Variants in PTPRG observed in about 807,000 individuals in gnomAD.
PTPRG encodes receptor-type tyrosine-protein phosphatase gamma.
A neutral mutation model predicts 165.3 loss-of-function variants in PTPRG; 102 were observed. That is an observed-to-expected ratio of 0.62 (90% CI 0.53 to 0.73). The LOEUF is 0.73. Among genes scored for constraint, PTPRG ranks in the 30% least tolerant of loss-of-function variants. The probability of loss-of-function intolerance (pLI) is 0.00; values close to 1 mark genes in which losing one functional copy is unlikely to be tolerated. For missense variants in PTPRG, 1,866 were observed against 1,861.4 expected (o/e 1.00, Z -0.05); for synonymous variants, 675 against 669.5 (o/e 1.01, Z -0.13).
intron 5 of PTPRG, among the ~76,000 whole-genome samples, chr3:62,115,057 A>G (rs1193535869): frequency 6.6e-6 from 1 of 152,234 alleles, no homozygotes; most frequent in African/African-American, 2.4e-5. Flanking sequence ...TTGCAATTAT[A>G]CAGAGGCAGA....
chr3:62,191,314 C>A (rs933283652), intron 8 of PTPRG, among the ~76,000 whole-genome samples, 155 bp from the exon 9 acceptor site: 4 of 152,062 alleles, frequency 2.6e-5, no homozygotes, highest in Non-Finnish European at 4.4e-5. Flanking sequence ...CTCCCTCTCT[C>A]TCTACACACA....
At chr3:61,678,487 C>T (rs1048485036) in intron 1 of PTPRG, among the ~76,000 whole-genome samples, 2 of 152,090 alleles carry the variant, frequency 1.3e-5, no homozygotes, top group African/African-American at 4.8e-5. Context: ...TGGTATCTCC[C>T]CACATTCCCT....
Position 61,562,171 on chromosome 3 carries a change from C to T in PTPRG, c.-117C>T, listed in dbSNP as rs562166525. 2 of 879,158 alleles carry T rather than the reference C, an allele frequency of 2.3e-6. No homozygotes were observed. The highest frequency in any genetic ancestry group is 5.2e-5 in the East Asian group (2 of 38,638). The allele number at this position is 879,158 out of a possible 1,614,324, so 54.5% of individuals were successfully genotyped here. ...ACTCGGGCCGCCGAGCGCGGGGGGC[C>T]CGTGGAGCGGGCGAGCCGGGGAAGC... On this transcript the variant is annotated 5_prime_UTR_variant, in exon 1 of 30. Transcript: ENST00000474889.
chr3:61,629,225 G>A (rs1336695326), intron 1 of PTPRG, among the ~76,000 whole-genome samples: 5 of 152,170 alleles, frequency 3.3e-5, no homozygotes, highest in Non-Finnish European at 5.9e-5. Flanking sequence ...CGCAATTTCA[G>A]CTCACTGCAG....
At chr3:62,039,928 A>G (rs527575327) in intron 4 of PTPRG, among the ~76,000 whole-genome samples, 7 of 152,368 alleles carry the variant, frequency 4.6e-5, no homozygotes, top group African/African-American at 1.7e-4. Flanking sequence ...TAAATATTTT[A>G]AAAACTTATC....
At position 62,237,249 on chromosome 3, in the gene PTPRG, T is replaced by C. The variant is rs1701054080; in HGVS notation, c.2375+5938T>C. ...TTTGGTCATTCTGGGTATTCTTCCT[T>C]AAGAATTCCTGGGTGGAAATGGGGG... On this transcript the variant is annotated intron_variant, in intron 14 of 29. Coordinates refer to ENST00000474889, the MANE Select transcript of PTPRG (RefSeq NM_002841.4). This position sits in a 1 kb window ranked among gnomAD's most constrained non-coding sequence, Gnocchi z 4.5. Among the ~76,000 whole-genome samples, 1 of 152,182 alleles carries C rather than the reference T, an allele frequency of 6.6e-6. No individual in the cohort carries two copies. The highest frequency in any genetic ancestry group is 2.4e-5 in the African/African-American group (1 of 41,438).
chr3:61,570,180 A>G (rs1051423365), intron 1 of PTPRG, among the ~76,000 whole-genome samples: 1 of 151,924 alleles, frequency 6.6e-6, no homozygotes, highest in African/African-American at 2.4e-5. Context: ...TCCTGTCTCT[A>G]TATGTTCATG....
intron 2 of PTPRG, among the ~76,000 whole-genome samples, chr3:61,938,239 T>TG (rs2039527315): frequency 6.6e-6 from 1 of 151,442 alleles, no homozygotes; most frequent in South Asian, 2.1e-4. Context: ...TTTTTCCTTT[T>TG]TTTTTTTTTT....
chr3:61,823,498 A>G (rs913513881), intron 2 of PTPRG, among the ~76,000 whole-genome samples: 1 of 151,902 alleles, frequency 6.6e-6, no homozygotes, highest in Non-Finnish European at 1.5e-5. Flanking sequence ...CACAGGGGTT[A>G]TTAATTAGTG....
chr3:61,765,387 T>A (rs2033986541), intron 2 of PTPRG, among the ~76,000 whole-genome samples: 1 of 152,184 alleles, frequency 6.6e-6, no homozygotes, highest in Admixed American at 6.5e-5. Flanking sequence ...GCTTTTATTA[T>A]TATTGTTTTA....
intron 5 of PTPRG, among the ~76,000 whole-genome samples, chr3:62,092,457 AAAG>A (rs1317267185): frequency 0.038 from 5,538 of 146,004 alleles, 472 homozygotes; most frequent in African/African-American, 0.15. Flanking sequence ...AAAAAAAAAA[AAAG>A]AAAAAGACAA....
intron 1 of PTPRG, among the ~76,000 whole-genome samples, chr3:61,563,151 G>C (rs1359947750): frequency 6.2e-5 from 1 of 16,244 alleles, no homozygotes; most frequent in African/African-American, 1.3e-4. Flanking sequence ...GGGCGGTTTC[G>C]GCGGCCGGGG....
chr3:62,078,574 A>AT (rs1040790384), intron 5 of PTPRG, among the ~76,000 whole-genome samples: 9 of 143,440 alleles, frequency 6.3e-5, no homozygotes, highest in Non-Finnish European at 1.4e-4. Context: ...AGAGACTGAT[A>AT]TAAAAAAAAA....
intron 1 of PTPRG, among the ~76,000 whole-genome samples, chr3:61,706,546 T>C (rs938890910): frequency 9.9e-5 from 15 of 151,146 alleles, no homozygotes; most frequent in African/African-American, 3.4e-4. Context: ...CAGGCTGAAA[T>C]GCAATGGCAC....
At chr3:61,661,799 G>C (rs1702676368) in intron 1 of PTPRG, among the ~76,000 whole-genome samples, 1 of 152,192 alleles carries the variant, frequency 6.6e-6, no homozygotes, top group African/African-American at 2.4e-5. Context: ...ACTAGCTGGT[G>C]TTGAAATGTG....
chr3:62,001,168 TTG>T (rs1003292991), intron 3 of PTPRG, among the ~76,000 whole-genome samples: 1 of 152,200 alleles, frequency 6.6e-6, no homozygotes. Context: ...CATTCCAGTT[TTG>T]TGTGTAAACA....
At chr3:61,911,498 T>C (rs539753831) in intron 2 of PTPRG, among the ~76,000 whole-genome samples, 1 of 152,326 alleles carries the variant, frequency 6.6e-6, no homozygotes, top group Non-Finnish European at 1.5e-5. Flanking sequence ...TTAATTGCAT[T>C]TTTCTTGTTG....
At chr3:62,068,228 A>C (rs565585519) in intron 4 of PTPRG, among the ~76,000 whole-genome samples, 1 of 152,300 alleles carries the variant, frequency 6.6e-6, no homozygotes, top group Admixed American at 6.5e-5. Flanking sequence ...ACATTTAAAC[A>C]ACCCTCCTGA....
chr3:61,786,231 T>G (rs1485124363), intron 2 of PTPRG, among the ~76,000 whole-genome samples: 2 of 152,214 alleles, frequency 1.3e-5, no homozygotes, highest in African/African-American at 4.8e-5. Context: ...GAGGGCAATT[T>G]GCATTGGCCA....
Sources: allele counts gnomAD v4.1 joint callset (sites outside exome capture counted in the v4.1 genomes callset), GRCh38; gene constraint gnomAD v4.1.1; non-coding constraint Gnocchi (gnomAD v3.1); transcripts MANE v1.5; gene names NCBI Gene and HGNC (gene_info 2026-07-23, HGNC 2026-07-21).